EPHB1: variants seen among roughly 807,000 people sequenced by gnomAD.
EPHB1 encodes the protein ephrin type-B receptor 1.
A neutral mutation model predicts 94.4 loss-of-function variants in EPHB1; 30 were observed. That is an observed-to-expected ratio of 0.32 (90% CI 0.24 to 0.43). The LOEUF (loss-of-function observed/expected upper bound fraction) is 0.43. EPHB1 is among the 20% of genes least tolerant of loss of function. The probability of loss-of-function intolerance (pLI) is 1.00; values close to 1 mark genes in which losing one functional copy is unlikely to be tolerated. For missense variants in EPHB1, 1,055 were observed against 1,308.3 expected (o/e 0.81, Z 2.99); for synonymous variants, 522 against 489.1 (o/e 1.07, Z -0.89).
At chr3:134,883,787 C>G (rs968008978) in intron 1 of EPHB1, among the ~76,000 whole-genome samples, 14 of 152,158 alleles carry the variant, frequency 9.2e-5, no homozygotes, top group Admixed American at 2.0e-4. Context: ...GTAGCAGTTC[C>G]CAGTGAGGCC....
intron 13 of EPHB1, among the ~76,000 whole-genome samples, chr3:135,245,512 T>A (rs1943895856): frequency 5.1e-5 from 1 of 19,796 alleles, no homozygotes; most frequent in Admixed American, 6.5e-4. Context: ...AGAACAGTCT[T>A]CAAAAAAAAA....
intron 1 of EPHB1, among the ~76,000 whole-genome samples, chr3:134,834,457 G>A (rs2036635996): frequency 6.6e-6 from 1 of 152,160 alleles, no homozygotes; most frequent in African/African-American, 2.4e-5. Context: ...ACTGCTGGCT[G>A]TTTGGTCTTG....
chr3:134,987,603 CAAA>C (rs1210216559), intron 3 of EPHB1, among the ~76,000 whole-genome samples: 1 of 151,978 alleles, frequency 6.6e-6, no homozygotes, highest in Non-Finnish European at 1.5e-5. Flanking sequence ...ACTAAAAATG[CAAA>C]AAATAATAAT....
chr3:135,166,876 G>A (rs1195021640), intron 8 of EPHB1, 66 bp from the exon 9 acceptor site: 3 of 1,573,398 alleles, frequency 1.9e-6, no homozygotes, highest in East Asian at 4.5e-5. Context: ...GGGCCTAGAT[G>A]GAGGTACCTG....
chr3:134,865,651 T>C (rs2037358283), intron 1 of EPHB1, among the ~76,000 whole-genome samples: 1 of 147,144 alleles, frequency 6.8e-6, no homozygotes. Context: ...TCTGCAGCTG[T>C]TTTAAAAAAA....
At position 135,177,866 on chromosome 3, in the gene EPHB1, C is replaced by A. The variant is rs574408379; in HGVS notation, c.1760-1994C>A. Reference sequence around the variant, plus strand: ...TATAACAAGTCAAAAAGGACTGGCACCCCCATCTCCATTTTTCTCTTTGTC... The same window carrying A: ...TATAACAAGTCAAAAAGGACTGGCAACCCCATCTCCATTTTTCTCTTTGTC... On this transcript the variant is annotated intron_variant, in intron 9 of 15. Coordinates refer to ENST00000398015, the MANE Select transcript of EPHB1 (RefSeq NM_004441.5). Among the ~76,000 whole-genome samples, 8 of 152,290 alleles carry A rather than the reference C, an allele frequency of 5.3e-5. No homozygotes were observed. The South Asian group carries it at 1.7e-3, about 32-fold the overall frequency.
At chr3:135,100,697 G>C (rs1177831749) in intron 3 of EPHB1, among the ~76,000 whole-genome samples, 1 of 152,164 alleles carries the variant, frequency 6.6e-6, no homozygotes, top group Non-Finnish European at 1.5e-5. Context: ...GAGGAGAGGA[G>C]TGTCTCGAGA....
At chr3:135,135,592 T>C (rs950481149) in intron 5 of EPHB1, among the ~76,000 whole-genome samples, 1 of 152,186 alleles carries the variant, frequency 6.6e-6, no homozygotes, top group Non-Finnish European at 1.5e-5. Context: ...ATGTCTAACC[T>C]TCCCAGAATA....
At chr3:135,215,161 C>CT (rs964107503) in intron 12 of EPHB1, among the ~76,000 whole-genome samples, 6 of 151,452 alleles carry the variant, frequency 4.0e-5, no homozygotes, top group Non-Finnish European at 8.8e-5. Flanking sequence ...TTCTTTTTTT[C>CT]TTTTTTCTTT....
intron 2 of EPHB1, among the ~76,000 whole-genome samples, chr3:134,932,847 C>T (rs1248046760): frequency 6.6e-6 from 1 of 152,148 alleles, no homozygotes; most frequent in Admixed American, 6.5e-5. Context: ...AATGGAATTT[C>T]ACCACATTTG....
intron 9 of EPHB1, among the ~76,000 whole-genome samples, chr3:135,179,256 G>T (rs1942081386): frequency 6.6e-6 from 1 of 151,964 alleles, no homozygotes; most frequent in Non-Finnish European, 1.5e-5. Context: ...TTTCTATGTA[G>T]ACTTTGCTCT....
intron 1 of EPHB1, among the ~76,000 whole-genome samples, chr3:134,895,080 T>A (rs2038062023): frequency 6.6e-6 from 1 of 152,194 alleles, no homozygotes; most frequent in African/African-American, 2.4e-5. Context: ...ATCACTTTCC[T>A]CTCTTCTGGA....
At chr3:135,168,942 C>CA (rs1382447044) in intron 9 of EPHB1, among the ~76,000 whole-genome samples, 1 of 152,176 alleles carries the variant, frequency 6.6e-6, no homozygotes, top group Non-Finnish European at 1.5e-5. Flanking sequence ...CAAAAGCGTG[C>CA]AAGCCAAGCC....
chr3:135,063,768 A>G (rs1937546135), intron 3 of EPHB1, among the ~76,000 whole-genome samples: 1 of 152,230 alleles, frequency 6.6e-6, no homozygotes, highest in Middle Eastern at 3.4e-3. Context: ...GTCTTGTTCC[A>G]GTTCTCAGAG....
chr3:135,116,845 C>T (rs1456450010), intron 4 of EPHB1, among the ~76,000 whole-genome samples: 1 of 152,218 alleles, frequency 6.6e-6, no homozygotes, highest in East Asian at 1.9e-4. Flanking sequence ...TCCAAGTCTC[C>T]AGCTGCCATA....
chr3:135,099,360 G>A (rs1938945517), intron 3 of EPHB1, among the ~76,000 whole-genome samples: 1 of 152,120 alleles, frequency 6.6e-6, no homozygotes, highest in South Asian at 2.1e-4. Flanking sequence ...TGGATGGATG[G>A]AAGAATGGAC....
intron 3 of EPHB1, among the ~76,000 whole-genome samples, chr3:135,009,158 C>T (rs1228256830): frequency 6.6e-6 from 1 of 152,144 alleles, no homozygotes; most frequent in African/African-American, 2.4e-5. Flanking sequence ...GCAATGAAAG[C>T]CACCAGGAAA....
intron 1 of EPHB1, among the ~76,000 whole-genome samples, chr3:134,840,690 C>T (rs1358743257): frequency 6.6e-6 from 1 of 152,154 alleles, no homozygotes; most frequent in Non-Finnish European, 1.5e-5. Flanking sequence ...AACCACAATC[C>T]TAATAAAATG....
At chr3:135,225,532 T>C (rs904537610) in intron 12 of EPHB1, among the ~76,000 whole-genome samples, 13 of 152,134 alleles carry the variant, frequency 8.5e-5, no homozygotes, top group African/African-American at 2.7e-4. Flanking sequence ...ATTAGCCTCA[T>C]ATAAAATGAA....
Sources: gnomAD v4.1 joint callset for allele counts (sites outside exome capture counted in the v4.1 genomes callset) on GRCh38, gnomAD v4.1.1 for gene constraint, MANE v1.5 for transcripts, NCBI Gene and HGNC (gene_info 2026-07-23, HGNC 2026-07-21) for gene names.